Variants in TENM1 observed in about 807,000 individuals in gnomAD.
The protein encoded by TENM1 is teneurin-1.
Under a neutral mutation model 174.8 loss-of-function variants are expected in TENM1, and 35 were observed. The ratio of observed to expected loss-of-function variants is 0.20; its 90% confidence interval spans 0.15 to 0.27. The LOEUF is 0.27. TENM1 is among the 10% of genes least tolerant of loss of function. The pLI is 1.00. For synonymous variants in TENM1, 781 were observed against 798.7 expected, an observed-to-expected ratio of 0.98 and a Z score of 0.37; for missense variants, 1,633 against 2,130.1, an observed-to-expected ratio of 0.77 and a Z score of 4.59.
chrX:124,714,113 C>T (rs925800430), intron 4 of TENM1, among the ~76,000 whole-genome samples: 1 of 111,777 alleles, frequency 8.9e-6, no homozygotes, highest in Non-Finnish European at 1.9e-5. Flanking sequence ...CTTTTTCTCA[C>T]TGAATCCTCA....
chrX:124,528,444 G>A (rs1191090918), intron 16 of TENM1, among the ~76,000 whole-genome samples: 1 of 111,075 alleles, frequency 9.0e-6, no homozygotes. Context: ...AGAAGTCAAA[G>A]TCAAATGTCT....
chrX:124,880,627 T>A (rs1002430927), intron 3 of TENM1, among the ~76,000 whole-genome samples: 2 of 112,086 alleles, frequency 1.8e-5, no homozygotes, highest in Admixed American at 1.9e-4. Flanking sequence ...GGCTTTCAGC[T>A]TTTCCCTATT....
At chrX:124,413,888 T>C (rs1010909654) in intron 25 of TENM1, among the ~76,000 whole-genome samples, 3 of 112,447 alleles carry the variant, frequency 2.7e-5, no homozygotes, top group African/African-American at 9.7e-5. Flanking sequence ...TAAGCATTTC[T>C]GCATGGGAAT....
chrX:125,193,643 G>A, the TENM1 span, among the ~76,000 whole-genome samples: 1 of 111,074 alleles, frequency 9.0e-6, no homozygotes, highest in East Asian at 2.8e-4. Context: ...CTATGGTGGG[G>A]GGTACTGTAA....
chrX:124,502,770 C>T (rs957244221), intron 19 of TENM1, among the ~76,000 whole-genome samples: 2 of 112,259 alleles, frequency 1.8e-5, no homozygotes, highest in Non-Finnish European at 3.8e-5. Flanking sequence ...GAGTCCCACA[C>T]TGGGACTATA....
At chrX:124,556,023 T>A (rs970134649) in intron 14 of TENM1, among the ~76,000 whole-genome samples, 2 of 112,090 alleles carry the variant, frequency 1.8e-5, no homozygotes, top group African/African-American at 6.5e-5. Flanking sequence ...AAATTTTAAA[T>A]AAATGGGATG....
chrX:124,812,655 T>C (rs1029331325), intron 3 of TENM1, among the ~76,000 whole-genome samples: 4 of 111,575 alleles, frequency 3.6e-5, no homozygotes, highest in Non-Finnish European at 7.6e-5. Flanking sequence ...TTTACCTTTA[T>C]ATGAATAGAC....
intron 23 of TENM1, among the ~76,000 whole-genome samples, chrX:124,430,029 T>C (rs2060760319): frequency 9.0e-6 from 1 of 111,487 alleles, no homozygotes; most frequent in South Asian, 3.8e-4. Flanking sequence ...AGATTAGTAT[T>C]TTAGAAAGAT....
rs1293419153 is a variant in TENM1, at chrX:124,536,876, C to CA, written c.2652-6894dup. 1.8e-4 allele frequency among the ~76,000 whole-genome samples: 20 copies of CA among 111,893 alleles called. No homozygotes were observed. In the Admixed American group the frequency reaches 1.9e-3, roughly 11 times the overall value. ...GACTCAAATGTTTTCTCTTTGCAAT[C>CA]AGCCTTATAGGGTTTTGTTAACCTC... On this transcript the variant is annotated intron_variant, in intron 15 of 31. Coordinates refer to ENST00000422452, the Ensembl canonical transcript of TENM1.
chrX:125,061,189 T>C, the TENM1 span, among the ~76,000 whole-genome samples: 7 of 111,312 alleles, frequency 6.3e-5, no homozygotes, highest in Non-Finnish European at 1.1e-4. Context: ...GGACAATTGA[T>C]ATTGATCTTA....
At chrX:125,178,216 A>G in the TENM1 span, among the ~76,000 whole-genome samples, 2 of 111,577 alleles carry the variant, frequency 1.8e-5, no homozygotes, top group Non-Finnish European at 3.8e-5. Context: ...TCCCCATATT[A>G]AGATGATTCT....
chrX:124,455,889 T>C (rs754079612), intron 22 of TENM1, among the ~76,000 whole-genome samples: 2 of 111,800 alleles, frequency 1.8e-5, no homozygotes, highest in Non-Finnish European at 1.9e-5. Context: ...AATGTATTCT[T>C]AACTAGTATA....
At chrX:124,645,005 C>T (rs1267231248) in intron 10 of TENM1, 138 bp downstream of exon 13, 29 of 533,588 alleles carry the variant, frequency 5.4e-5, no homozygotes, top group Non-Finnish European at 8.0e-5. Flanking sequence ...GACCCAAACC[C>T]TCTGCTGCAT....
At chrX:124,804,937 A>G (rs1025033151) in intron 3 of TENM1, among the ~76,000 whole-genome samples, 3 of 111,947 alleles carry the variant, frequency 2.7e-5, no homozygotes, top group Non-Finnish European at 5.6e-5. Context: ...ATACAAAAAA[A>G]AATTGCAAAA....
rs749341052 is a variant in TENM1 at position 124,503,720 on chromosome X, A to AACAGC, written c.3302-22_3302-18dup. 36 of 1,173,181 alleles carry AACAGC rather than the reference A, an allele frequency of 3.1e-5. 1 individual carries two copies. The African/African-American group carries it at 4.5e-4, about 15-fold the overall frequency. ...CCACAGATACTGCAAACAAAGAGTT[A>AACAGC]ACAGCACATTAGAAAACTGTAAAAT... On this transcript the variant is annotated splice_polypyrimidine_tract_variant and intron_variant, in intron 18 of 31. Coordinates refer to ENST00000422452, the Ensembl canonical transcript of TENM1.
chrX:124,659,342 C>T (rs1254339306), intron 6 of TENM1, among the ~76,000 whole-genome samples: 1 of 110,867 alleles, frequency 9.0e-6, no homozygotes, highest in East Asian at 2.8e-4. Flanking sequence ...AATGAAAACT[C>T]CAAAGTGAAA....
the TENM1 span, among the ~76,000 whole-genome samples, chrX:125,194,515 C>T: frequency 9.0e-6 from 1 of 111,544 alleles, no homozygotes; most frequent in Non-Finnish European, 1.9e-5. Context: ...CTTGCCCTCA[C>T]TTTAAAACCC....
chrX:124,953,497 T>A (rs1031947306), intron 1 of TENM1, among the ~76,000 whole-genome samples: 1 of 111,944 alleles, frequency 8.9e-6, no homozygotes, highest in African/African-American at 3.2e-5. Flanking sequence ...ATTATCTTAC[T>A]GACCCGTGTC....
intron 14 of TENM1, among the ~76,000 whole-genome samples, chrX:124,554,114 C>G (rs545932520): frequency 1.8e-5 from 2 of 110,686 alleles, no homozygotes; most frequent in East Asian, 5.6e-4. Flanking sequence ...ATCCTCCCCC[C>G]CAAAAAATGA....
Sources: allele counts gnomAD v4.1 joint callset (sites outside exome capture counted in the v4.1 genomes callset), GRCh38; gene constraint gnomAD v4.1.1; transcripts MANE v1.5; gene names NCBI Gene and HGNC (gene_info 2026-07-23, HGNC 2026-07-21).